The following CCDC81 variants were observed in gnomAD, a reference collection of about 807,000 sequenced individuals.
CCDC81 encodes coiled-coil domain containing 81, also known as coiled-coil domain-containing protein 81.
CCDC81 carries 79 observed loss-of-function variants against 83.7 expected under a neutral mutation model. The ratio of observed to expected loss-of-function variants is 0.94; its 90% CI spans 0.79 to 1.14. CCDC81 has a LOEUF of 1.14. Among genes scored for constraint, CCDC81 ranks in the 50% most tolerant of loss-of-function variants. The probability of loss-of-function intolerance (pLI) is 0.00; values close to 1 mark genes in which losing one functional copy is unlikely to be tolerated. For missense variants in CCDC81, 791 were observed against 778.1 expected (o/e 1.02, Z -0.20); for synonymous variants, 252 against 278.1 (o/e 0.91, Z 0.93).
intron 3 of CCDC81, among the ~76,000 whole-genome samples, chr11:86,390,125 T>C (rs1156415884): frequency 2.0e-5 from 3 of 151,852 alleles, no homozygotes; most frequent in Non-Finnish European, 4.4e-5. Flanking sequence ...AAAAAAAATA[T>C]GATGAAACAT....
In CCDC81 at chr11:86,408,245, A is replaced by G. The variant is rs1565767991; in HGVS notation, c.1088A>G (p.Asp363Gly). ...RLIQQYQMLKDQEALFRHQMK... is the reference protein window; with the variant it reads ...RLIQQYQMLKGQEALFRHQMK... ...ATACAGCAGTATCAGATGTTAAAGG[A>G]TCAGGAGGCTCTCTTCAGACACCAG... Residue 363 changes from aspartate (D) to glycine (G), a missense_variant, in exon 9 of 15, where the codon GAT becomes GGT. Asp to Gly is a moderately conservative substitution (Grantham distance 94). Transcript: ENST00000445632. 6.2e-7 allele frequency: 1 copy of G among 1,613,486 alleles called. No individual in the cohort carries two copies.
Position 86,408,196 on chromosome 11 carries a change from A to C in CCDC81, c.1039A>C (p.Arg347=). The C allele has an allele frequency of 6.2e-7, 1 of 1,614,054 alleles. No homozygotes were observed. Among genetic ancestry groups the C allele is most frequent in the Non-Finnish European group, 8.5e-7 (1 of 1,179,934 alleles). The stretch of plus-strand genomic sequence containing the variant: ...GTTGTACTACAGTGAGGAAAGGAGG[A>C]GAGAGATAGAAGATGAGAGACTCAT... ...SLLYYSEERR[R]EIEDERLIQQ... Residue 347 remains arginine, a synonymous_variant, in exon 9 of 15, where the codon AGA becomes CGA. Coordinates refer to ENST00000445632, the MANE Select transcript of CCDC81 (RefSeq NM_001156474.2).
intron 13 of CCDC81, chr11:86,419,244 C>T (rs1463709413): frequency 6.6e-6 from 1 of 152,204 alleles, no homozygotes; most frequent in Non-Finnish European, 1.5e-5. Context: ...AAGAAATAGA[C>T]ACATAATCAG....
In CCDC81 at chr11:86,387,669, C is replaced by A. The variant is rs1373565980; in HGVS notation, c.295C>A (p.Pro99Thr). ...HGLKQNKVYT[P>T]GEIPIVPLNF... is the part of the protein sequence containing the mutation. ...ACTCAAACAAAACAAAGTATATACT[C>A]CTGGTAAATAATTCTGATATGTAGG... The change falls in exon 3 of 15, where the codon CCT becomes ACT. Residue 99 changes from proline to threonine, a missense_variant. Transcript: ENST00000445632. The A allele has an allele frequency of 1.9e-6, 3 of 1,590,028 alleles. No homozygotes were observed. Among genetic ancestry groups the A allele is most frequent in the Non-Finnish European group, 2.6e-6 (3 of 1,163,900 alleles).
At chr11:86,422,463 G>A in intron 14 of CCDC81, 111 bp from the exon 15 acceptor site, 1 of 907,210 alleles carries the variant, frequency 1.1e-6, no homozygotes, top group Non-Finnish European at 1.7e-6. Flanking sequence ...TACAGGCAGA[G>A]AACGCAAGGT....
chr11:86,395,487 T>C (rs764031242), intron 5 of CCDC81, 74 bp downstream of exon 5: 2 of 1,131,780 alleles, frequency 1.8e-6, no homozygotes, highest in Non-Finnish European at 2.7e-6. Context: ...TTGGGCAGTG[T>C]TTCTCAATGT....
At chr11:86,405,791 T>C (rs1235160926) in intron 7 of CCDC81, among the ~76,000 whole-genome samples, 2 of 150,060 alleles carry the variant, frequency 1.3e-5, no homozygotes, top group Non-Finnish European at 3.0e-5. Flanking sequence ...TTTTCTTTTT[T>C]TTTTTTTTTT....
At chr11:86,400,581 G>C in intron 6 of CCDC81, 97 bp from the exon 7 acceptor site, 2 of 1,174,578 alleles carry the variant, frequency 1.7e-6, no homozygotes, top group Non-Finnish European at 2.4e-6. Flanking sequence ...AGATAAGAGA[G>C]TGTATCTTAT....
At chr11:86,396,964 A>T (rs1948418420) in intron 5 of CCDC81, among the ~76,000 whole-genome samples, 1 of 152,146 alleles carries the variant, frequency 6.6e-6, no homozygotes, top group African/African-American at 2.4e-5. Flanking sequence ...TGGGGACTTA[A>T]ATACTCAAAA....
At chr11:86,412,664 T>A in intron 11 of CCDC81, 105 bp downstream of exon 11, 1 of 1,053,278 alleles carries the variant, frequency 9.5e-7, no homozygotes, top group Non-Finnish European at 1.4e-6. Context: ...TAGCACACTG[T>A]AACCAACTGA....
intron 6 of CCDC81, 59 bp from the exon 7 acceptor site, chr11:86,400,619 A>C: frequency 6.6e-7 from 1 of 1,511,822 alleles, no homozygotes; most frequent in Non-Finnish European, 9.0e-7. Flanking sequence ...TAAAAACTAC[A>C]CAGTTAGTGG....
At position 86,407,698 on chromosome 11, in the gene CCDC81, A is replaced by G. The variant is rs375963038; in HGVS notation, c.966A>G (p.Gly322=). 4.0e-5 allele frequency: 64 copies of G among 1,611,268 alleles called. No individual in the cohort carries two copies. Among genetic ancestry groups the G allele is most frequent in the Non-Finnish European group, 5.3e-5 (62 of 1,177,920 alleles). ...SPACQDHNKA[G]QEMCYVCLQR... is the part of the protein sequence containing the mutation. ...CTTGCCAGGATCATAACAAGGCAGGACAGGTACAGTGTTTCCAAACAAATA... is the reference window on the plus strand; with the variant it reads ...CTTGCCAGGATCATAACAAGGCAGGGCAGGTACAGTGTTTCCAAACAAATA... The change falls in exon 8 of 15, where the codon GGA becomes GGG. Residue 322 remains glycine (G), a synonymous_variant. Transcript: ENST00000445632.
intron 6 of CCDC81, among the ~76,000 whole-genome samples, chr11:86,400,398 G>A (rs1948470469): frequency 1.3e-5 from 2 of 152,138 alleles, no homozygotes; most frequent in Admixed American, 6.6e-5. Flanking sequence ...CATTTTTCAT[G>A]AGAAATGTTA....
intron 9 of CCDC81, 21 bp from the exon 10 acceptor site, chr11:86,409,237 ACTT>A (rs1407973854): frequency 8.9e-7 from 1 of 1,125,924 alleles, no homozygotes; most frequent in Middle Eastern, 2.3e-4. Flanking sequence ...TTAAAAATAA[ACTT>A]TTTTTTTTTT....
At chr11:86,412,694 A>G in intron 11 of CCDC81, 135 bp downstream of exon 11, 1 of 780,594 alleles carries the variant, frequency 1.3e-6, no homozygotes, top group South Asian at 2.0e-5. Flanking sequence ...CCCAGTTAGC[A>G]GCCAGTACTG....
intron 11 of CCDC81, 161 bp from the exon 12 acceptor site, chr11:86,414,627 CT>C (rs1948690266): frequency 1.7e-6 from 1 of 597,216 alleles, no homozygotes; most frequent in Non-Finnish European, 2.9e-6. Context: ...TTGAATTACT[CT>C]TTTCTTTCTT....
chr11:86,388,862 G>A (rs1006681070), intron 3 of CCDC81, among the ~76,000 whole-genome samples: 8 of 152,188 alleles, frequency 5.3e-5, no homozygotes, highest in African/African-American at 1.9e-4. Context: ...TAAAATTAAA[G>A]CTCATTTTCT....
chr11:86,404,434 T>C (rs772354807), intron 7 of CCDC81, among the ~76,000 whole-genome samples: 1 of 152,184 alleles, frequency 6.6e-6, no homozygotes, highest in Non-Finnish European at 1.5e-5. Context: ...AAACATTCAC[T>C]CTCTGGCTGT....
chr11:86,422,506 C>T (rs1191939366), intron 14 of CCDC81, 68 bp from the exon 15 acceptor site: 2 of 1,488,216 alleles, frequency 1.3e-6, no homozygotes, highest in African/African-American at 2.8e-5. Context: ...CCTGCCATAC[C>T]AGCTTCCAAG....
Sources: allele counts gnomAD v4.1 joint callset (sites outside exome capture counted in the v4.1 genomes callset), GRCh38; gene constraint gnomAD v4.1.1; transcripts MANE v1.5; gene names NCBI Gene and HGNC (gene_info 2026-07-23, HGNC 2026-07-21).